CACNB2: variants seen among roughly 807,000 people sequenced by gnomAD.
CACNB2 encodes calcium voltage-gated channel auxiliary subunit beta 2.
Under a neutral mutation model 73.3 loss-of-function variants are expected in CACNB2, and 42 were observed. The observed-to-expected ratio is 0.57, with a 90% CI of 0.45 to 0.74. The LOEUF (loss-of-function observed/expected upper bound fraction) is 0.74. CACNB2 is among the 30% of genes least tolerant of loss of function. The pLI is 0.00. For missense variants in CACNB2, 940 were observed against 853.0 expected (o/e 1.10, Z -1.27); for synonymous variants, 348 against 310.3 (o/e 1.12, Z -1.28).
intron 3 of CACNB2, among the ~76,000 whole-genome samples, chr10:18,464,093 T>A (rs1344774239): frequency 6.6e-6 from 1 of 151,648 alleles, no homozygotes; most frequent in Non-Finnish European, 1.5e-5. Context: ...GAACCCTACC[T>A]CCAACTTGAC....
chr10:18,177,587 A>AAAG (rs919953453), intron 2 of CACNB2, among the ~76,000 whole-genome samples: 1 of 152,066 alleles, frequency 6.6e-6, no homozygotes, highest in African/African-American at 2.4e-5. Flanking sequence ...TCAAAAAAAA[A>AAAG]AAGAAGAAGA....
chr10:18,357,145 G>A (rs367988400), intron 2 of CACNB2, among the ~76,000 whole-genome samples: 35 of 150,254 alleles, frequency 2.3e-4, no homozygotes, highest in East Asian at 2.2e-3. Flanking sequence ...GGGTTTCACC[G>A]TGTTAGCCAG....
At chr10:18,421,796 C>G (rs1039956165) in intron 3 of CACNB2, among the ~76,000 whole-genome samples, 2 of 152,154 alleles carry the variant, frequency 1.3e-5, no homozygotes, top group African/African-American at 4.8e-5. Flanking sequence ...GTACAAGAAT[C>G]TCTTGCTAAT....
intron 2 of CACNB2, among the ~76,000 whole-genome samples, chr10:18,171,733 A>T (rs1415524029): frequency 6.6e-6 from 1 of 152,018 alleles, no homozygotes; most frequent in Non-Finnish European, 1.5e-5. Context: ...CAGAGTTGGC[A>T]GCAGGGCACA....
chr10:18,389,748 A>G (rs2043382647), intron 2 of CACNB2, among the ~76,000 whole-genome samples: 1 of 152,224 alleles, frequency 6.6e-6, no homozygotes, highest in Non-Finnish European at 1.5e-5. Context: ...AAAACTATCA[A>G]CAAGGTGTGA....
intron 3 of CACNB2, among the ~76,000 whole-genome samples, chr10:18,408,123 A>G (rs777727159): frequency 6.6e-5 from 10 of 152,120 alleles, no homozygotes; most frequent in Non-Finnish European, 1.2e-4. Flanking sequence ...AAGTGCAAGG[A>G]CTACCTACAC....
chr10:18,186,057 C>A (rs148156040), intron 2 of CACNB2, among the ~76,000 whole-genome samples: 51 of 152,228 alleles, frequency 3.4e-4, no homozygotes, highest in African/African-American at 1.2e-3. Context: ...GTGTCTGCCA[C>A]ATGGAAGTTA....
At chr10:18,272,116 G>A (rs938878458) in intron 2 of CACNB2, among the ~76,000 whole-genome samples, 22 of 151,896 alleles carry the variant, frequency 1.4e-4, no homozygotes, top group South Asian at 2.1e-4. Flanking sequence ...CTCTATGGTA[G>A]TTTCATTATT....
chr10:18,394,363 C>G (rs891541632), intron 2 of CACNB2, among the ~76,000 whole-genome samples: 1 of 152,144 alleles, frequency 6.6e-6, no homozygotes, highest in East Asian at 1.9e-4. Context: ...CCTTTATGAT[C>G]GTTAGAAATG....
intron 3 of CACNB2, among the ~76,000 whole-genome samples, chr10:18,471,652 A>G (rs114040956): frequency 5.0e-3 from 754 of 151,970 alleles, no homozygotes; most frequent in African/African-American, 0.017. Context: ...TACAGCTTAG[A>G]CTCCTGTCTC....
chr10:18,165,872 A>C (rs934820892), intron 2 of CACNB2, among the ~76,000 whole-genome samples: 2 of 152,150 alleles, frequency 1.3e-5, no homozygotes, highest in African/African-American at 4.8e-5. Context: ...TTTCCTTTGC[A>C]ACTGACGTTA....
At chr10:18,155,631 A>G (rs989359960) in intron 2 of CACNB2, among the ~76,000 whole-genome samples, 2 of 152,166 alleles carry the variant, frequency 1.3e-5, no homozygotes, top group Non-Finnish European at 2.9e-5. Context: ...ACATCATGAA[A>G]CAGTTTTCCA....
intron 2 of CACNB2, among the ~76,000 whole-genome samples, chr10:18,209,005 A>G (rs779978807): frequency 4.6e-5 from 7 of 152,214 alleles, no homozygotes; most frequent in Non-Finnish European, 7.3e-5. Context: ...GCACATTTAA[A>G]TAGAAACTAA....
intron 3 of CACNB2, among the ~76,000 whole-genome samples, chr10:18,458,339 C>T (rs1261856517): frequency 6.6e-6 from 1 of 152,178 alleles, no homozygotes; most frequent in Non-Finnish European, 1.5e-5. Flanking sequence ...TTCTAGTTGA[C>T]TTTCATGTTT....
chr10:18,198,087 A>G (rs1227097631), intron 2 of CACNB2, among the ~76,000 whole-genome samples: 1 of 148,180 alleles, frequency 6.7e-6, no homozygotes, highest in Non-Finnish European at 1.5e-5. Flanking sequence ...ATATTAACTT[A>G]CATAATTAAC....
At chr10:18,492,898 G>A (rs1249409466) in intron 3 of CACNB2, among the ~76,000 whole-genome samples, 1 of 152,042 alleles carries the variant, frequency 6.6e-6, no homozygotes, top group African/African-American at 2.4e-5. Flanking sequence ...ATTTACTTAG[G>A]TGTAGCATTT....
In CACNB2 at chr10:18,539,221, C is replaced by T. The variant is rs759870881; in HGVS notation, c.1489-9C>T. 2.4e-5 allele frequency: 38 copies of T among 1,613,896 alleles called. No individual in the cohort carries two copies. Among genetic ancestry groups the T allele is most frequent in the African/African-American group, 4.0e-5 (3 of 74,880 alleles). The stretch of plus-strand genomic sequence containing the variant: ...TGGTTAACGCCTGGTGTGCTCCTTT[C>T]GCTGCCAGGGTTCTCAAGGTGATCA... On this transcript the variant is annotated splice_polypyrimidine_tract_variant and intron_variant, in intron 13 of 13. Transcript: ENST00000324631.
chr10:18,182,842 C>T (rs935480138), intron 2 of CACNB2, among the ~76,000 whole-genome samples: 2 of 150,866 alleles, frequency 1.3e-5, no homozygotes, highest in South Asian at 2.1e-4. Context: ...AAAACAAAAA[C>T]CCATAATTTC....
intron 2 of CACNB2, among the ~76,000 whole-genome samples, chr10:18,303,872 T>A (rs1256667497): frequency 1.3e-5 from 2 of 152,214 alleles, no homozygotes; most frequent in Non-Finnish European, 2.9e-5. Context: ...AAATGATGTC[T>A]GTGTAAGAGT....
Sources: gnomAD v4.1 joint callset for allele counts (sites outside exome capture counted in the v4.1 genomes callset) on GRCh38, gnomAD v4.1.1 for gene constraint, MANE v1.5 for transcripts, NCBI Gene and HGNC (gene_info 2026-07-23, HGNC 2026-07-21) for gene names.